Variants in AARS1 observed in about 807,000 individuals in gnomAD.
AARS1 encodes alanyl-tRNA synthetase 1.
A neutral mutation model predicts 108.9 loss-of-function variants in AARS1; 72 were observed. The observed-to-expected ratio is 0.66, with a 90% CI of 0.55 to 0.80. The LOEUF (loss-of-function observed/expected upper bound fraction) is 0.80, where lower values mean the gene tolerates loss of function less well. Ranked by LOEUF, AARS1 falls within the 30% of genes least tolerant of loss-of-function variation. The pLI, the probability that AARS1 is intolerant of heterozygous loss-of-function variation, is 0.00. For missense variants in AARS1, 1,193 were observed against 1,233.2 expected (o/e 0.97, Z 0.49); for synonymous variants, 489 against 465.7 (o/e 1.05, Z -0.64).
chr16:70,273,652 T>C (rs910696712), intron 4 of AARS1, among the ~76,000 whole-genome samples: 1 of 151,386 alleles, frequency 6.6e-6, no homozygotes, highest in East Asian at 2.0e-4. Flanking sequence ...CATGAGGTCA[T>C]GAGATCGAGA....
intron 16 of AARS1, 55 bp downstream of exon 16, chr16:70,255,673 A>G: frequency 6.7e-7 from 1 of 1,500,954 alleles, no homozygotes; most frequent in Non-Finnish European, 9.3e-7. Flanking sequence ...GGATTCGCAG[A>G]CTGGGCTCCT....
rs374582892 is a variant in AARS1 at position 70,266,534 on chromosome 16, C to CT, written c.1223-873dup. 2.8e-4 allele frequency among the ~76,000 whole-genome samples: 42 copies of CT among 147,978 alleles called. No individual in the cohort carries two copies. The East Asian group carries it at 2.9e-3, about 10-fold the overall frequency. On this transcript the variant is annotated intron_variant, in intron 9 of 20. Transcript: ENST00000261772. The stretch of plus-strand genomic sequence containing the variant: ...ACCTCACCTGGACAATTTTCTATTT[C>CT]TTTTTTTTTGAGAGTCTCACTCTGT...
Position 70,255,194 on chromosome 16 carries a change from A to ATTTTT in AARS1, c.2287-465_2287-461dup, listed in dbSNP as rs946837808. ...GGAGGGGGTAGATGGCCAGATTCAC[A>ATTTTT]TTTTTTTTTTTTTTTTTTTTTTGGA... On this transcript the variant is annotated intron_variant, in intron 16 of 20. Transcript: ENST00000261772. Among the ~76,000 whole-genome samples, 235 of 104,258 alleles carry ATTTTT rather than the reference A, an allele frequency of 2.3e-3. 7 individuals are homozygous for ATTTTT. The highest frequency in any genetic ancestry group is 8.4e-3 in the African/African-American group (226 of 27,030). The allele number at this position is 104,258 out of a possible 152,430, so 68.4% of individuals were successfully genotyped here. A position where few individuals can be genotyped will look rare whatever the true frequency, so the allele number is the denominator to read the frequency against.
chr16:70,255,635 C>A (rs1428159502), intron 16 of AARS1, 93 bp downstream of exon 16: 15 of 1,148,144 alleles, frequency 1.3e-5, no homozygotes, highest in Non-Finnish European at 1.7e-5. Flanking sequence ...CTGACTGCAG[C>A]AGCCACGCAG....
rs750234856 is a variant in AARS1 at position 70,253,341 on chromosome 16, G to C, written c.2648C>G (p.Pro883Arg). Residue 883 changes from proline (P) to arginine (R), a missense_variant, in exon 20 of 21, where the codon CCT (proline) becomes CGT (arginine). Transcript: ENST00000261772. The part of the protein sequence containing the change: ...EALKLFKMHS[P>R]QTSAMLFTVD... ...CGTGAAGAGCATGGCAGAAGTCTGAGGGGAGTGCATCTTGAAGAGCTTCAA... is the reference window on the plus strand; with the variant it reads ...CGTGAAGAGCATGGCAGAAGTCTGACGGGAGTGCATCTTGAAGAGCTTCAA... 2 of 1,614,050 alleles carry C rather than the reference G, an allele frequency of 1.2e-6. No individual in the cohort carries two copies. Among genetic ancestry groups the C allele is most frequent in the Admixed American group, 1.7e-5 (1 of 60,000 alleles).
At chr16:70,287,013 A>G (rs1177526344) in intron 1 of AARS1, among the ~76,000 whole-genome samples, 1 of 150,326 alleles carries the variant, frequency 6.7e-6, no homozygotes, top group East Asian at 2.0e-4. Context: ...GCACTTTGGG[A>G]GGCCGAGGCG....
intron 2 of AARS1, among the ~76,000 whole-genome samples, chr16:70,280,368 A>C (rs546568764): frequency 9.2e-5 from 14 of 152,228 alleles, no homozygotes; most frequent in African/African-American, 3.4e-4. Flanking sequence ...TTGGGAGACC[A>C]GTCTCACTGT....
At chr16:70,273,053 C>T (rs1960448750) in intron 4 of AARS1, among the ~76,000 whole-genome samples, 1 of 152,116 alleles carries the variant, frequency 6.6e-6, no homozygotes, top group South Asian at 2.1e-4. Flanking sequence ...ACAGGTGTCA[C>T]TACCCAAAAT....
At chr16:70,274,341 C>CA (rs1280743285) in intron 4 of AARS1, among the ~76,000 whole-genome samples, 43 of 147,814 alleles carry the variant, frequency 2.9e-4, no homozygotes, top group African/African-American at 1.1e-3. Context: ...AACTCCATCT[C>CA]AAAAAAAGAA....
chr16:70,267,847 C>T, intron 8 of AARS1, 38 bp from the exon 9 acceptor site: 3 of 1,613,872 alleles, frequency 1.9e-6, no homozygotes, highest in Non-Finnish European at 1.7e-6. Context: ...CTGGATGAAG[C>T]CAGAGACTGT....
At chr16:70,283,859 T>G (rs1369848691) in intron 1 of AARS1, among the ~76,000 whole-genome samples, 1 of 152,200 alleles carries the variant, frequency 6.6e-6, no homozygotes, top group Non-Finnish European at 1.5e-5. Context: ...GAGGCACAGC[T>G]TACTGAAAGT....
In AARS1 at chr16:70,276,641, G is replaced by A. The variant is rs758124515; in HGVS notation, c.334-10C>T. The A allele has an allele frequency of 6.2e-7, 1 of 1,613,666 alleles. No homozygotes were observed. The highest frequency in any genetic ancestry group is 1.7e-5 in the Admixed American group (1 of 59,988). ...TCTTACATGCCAATTCCTACAAAAA[G>A]AACAGAGAGAAAGATATGGAACATT... On this transcript the variant is annotated splice_polypyrimidine_tract_variant and intron_variant, in intron 3 of 20. Transcript: ENST00000261772.
intron 7 of AARS1, 71 bp downstream of exon 7, chr16:70,269,547 A>G: frequency 1.3e-6 from 2 of 1,599,228 alleles, no homozygotes; most frequent in Non-Finnish European, 1.7e-6. Flanking sequence ...CACAAAGAAA[A>G]GTTTCATAAA....
chr16:70,257,074 C>A (rs1960008956), intron 15 of AARS1, among the ~76,000 whole-genome samples: 2 of 151,954 alleles, frequency 1.3e-5, no homozygotes, highest in Admixed American at 6.6e-5. Flanking sequence ...AGGGTGAAAC[C>A]CCATCTCTAC....
At chr16:70,264,828 C>T (rs1376972229) in intron 11 of AARS1, 130 bp downstream of exon 11, 9 of 1,132,908 alleles carry the variant, frequency 7.9e-6, no homozygotes, top group South Asian at 1.3e-5. Flanking sequence ...AAGTGCATAG[C>T]GTGACTGTAC....
chr16:70,269,490 C>G (rs1042068437), intron 7 of AARS1, 128 bp downstream of exon 7: 1 of 1,375,084 alleles, frequency 7.3e-7, no homozygotes, highest in African/African-American at 1.4e-5. Flanking sequence ...GGCAAGATCA[C>G]GCCATTGTAC....
At chr16:70,261,758 C>T (rs2152156190) in intron 12 of AARS1, among the ~76,000 whole-genome samples, 1 of 150,562 alleles carries the variant, frequency 6.6e-6, no homozygotes, top group South Asian at 2.1e-4. Flanking sequence ...CAACCACCCT[C>T]TCCTGGGTTC....
At chr16:70,253,479 C>T in intron 19 of AARS1, 98 bp from the exon 20 acceptor site, 1 of 1,127,824 alleles carries the variant, frequency 8.9e-7, no homozygotes, top group African/African-American at 1.5e-5. Flanking sequence ...CCACCCCTAC[C>T]CCTTCCCAGA....
intron 1 of AARS1, among the ~76,000 whole-genome samples, chr16:70,288,435 C>A (rs942378225): frequency 2.0e-5 from 3 of 151,568 alleles, no homozygotes; most frequent in African/African-American, 7.3e-5. Context: ...TAAGGCTCCC[C>A]CTCTTTTACT....
Sources: gnomAD v4.1 joint callset for allele counts (sites outside exome capture counted in the v4.1 genomes callset) on GRCh38, gnomAD v4.1.1 for gene constraint, MANE v1.5 for transcripts, NCBI Gene and HGNC (gene_info 2026-07-23, HGNC 2026-07-21) for gene names.